The following FRMD5 variants were observed in gnomAD, a reference collection of about 807,000 sequenced individuals.
FRMD5 encodes FERM domain containing 5.
In FRMD5, 20 loss-of-function variants were observed where a neutral mutation model predicts 69.0. That is an observed-to-expected ratio of 0.29 (90% CI 0.20 to 0.42). The LOEUF (loss-of-function observed/expected upper bound fraction) is 0.42. Ranked by LOEUF, FRMD5 falls within the 10% of genes least tolerant of loss-of-function variation. FRMD5 has a pLI of 1.00. For synonymous variants in FRMD5, 271 were observed against 260.1 expected (o/e 1.04, Z -0.40); for missense variants, 595 against 708.6 (o/e 0.84, Z 1.82).
chr15:43,928,222 G>A (rs1344724338), intron 1 of FRMD5, among the ~76,000 whole-genome samples: 1 of 152,160 alleles, frequency 6.6e-6, no homozygotes, highest in Non-Finnish European at 1.5e-5. Flanking sequence ...AGTGTTAGAT[G>A]CATTGTTTTG....
At chr15:44,038,913 G>A (rs1455982423) in intron 1 of FRMD5, among the ~76,000 whole-genome samples, 2 of 152,172 alleles carry the variant, frequency 1.3e-5, no homozygotes, top group Admixed American at 1.3e-4. Flanking sequence ...CCCCCATAGA[G>A]CCGAGCAAGC....
At chr15:44,051,187 T>C (rs541817397) in intron 1 of FRMD5, among the ~76,000 whole-genome samples, 7 of 135,590 alleles carry the variant, frequency 5.2e-5, no homozygotes, top group African/African-American at 1.9e-4. Context: ...AGTCTTGCTC[T>C]GTCACCCAGG....
intron 7 of FRMD5, among the ~76,000 whole-genome samples, chr15:43,893,250 T>G (rs990494354): frequency 6.6e-5 from 10 of 152,092 alleles, no homozygotes; most frequent in African/African-American, 2.4e-4. Flanking sequence ...TCAGGAAAGT[T>G]TAGCTGAAGA....
chr15:43,918,784 T>C (rs78546048), intron 4 of FRMD5, among the ~76,000 whole-genome samples: 33 of 152,350 alleles, frequency 2.2e-4, no homozygotes, highest in African/African-American at 7.9e-4. Context: ...AGGTGAGACT[T>C]TCACAGTAAA....
At chr15:44,144,055 T>C (rs1466601831) in intron 1 of FRMD5, among the ~76,000 whole-genome samples, 1 of 152,082 alleles carries the variant, frequency 6.6e-6, no homozygotes, top group Admixed American at 6.5e-5. Context: ...TGTATAACTA[T>C]GAAGTCCCTG....
intron 1 of FRMD5, among the ~76,000 whole-genome samples, chr15:43,951,997 T>A (rs989137844): frequency 1.0e-5 from 1 of 99,366 alleles, no homozygotes; most frequent in Non-Finnish European, 1.7e-5. Context: ...TGTGTGTGTG[T>A]GTCTGTGTGT....
chr15:44,119,132 T>C (rs2076911246), intron 1 of FRMD5, among the ~76,000 whole-genome samples: 1 of 152,022 alleles, frequency 6.6e-6, no homozygotes. Context: ...ATTTTTTTTA[T>C]TTTTTGTAGA....
intron 1 of FRMD5, among the ~76,000 whole-genome samples, chr15:44,042,317 A>G (rs1360686780): frequency 6.6e-6 from 1 of 152,246 alleles, no homozygotes; most frequent in African/African-American, 2.4e-5. Context: ...GTCCAGGACC[A>G]GATGGATTCA....
At chr15:44,036,814 G>A (rs1407000279) in intron 1 of FRMD5, among the ~76,000 whole-genome samples, 1 of 152,094 alleles carries the variant, frequency 6.6e-6, no homozygotes, top group Non-Finnish European at 1.5e-5. Context: ...AAGCAGTGCT[G>A]GTGAGCATCC....
At chr15:43,968,904 C>A (rs546901461) in intron 1 of FRMD5, among the ~76,000 whole-genome samples, 1 of 152,122 alleles carries the variant, frequency 6.6e-6, no homozygotes, top group East Asian at 1.9e-4. Context: ...TCTTTATTTT[C>A]ACAAAAATCC....
intron 1 of FRMD5, among the ~76,000 whole-genome samples, chr15:44,171,370 A>G (rs2077800270): frequency 6.6e-6 from 1 of 152,168 alleles, no homozygotes; most frequent in Non-Finnish European, 1.5e-5. Context: ...AAACTGCCCA[A>G]TTTGCTAGTT....
intron 1 of FRMD5, among the ~76,000 whole-genome samples, chr15:44,189,563 A>T (rs995827458): frequency 2.6e-4 from 38 of 149,014 alleles, no homozygotes; most frequent in African/African-American, 9.5e-4. Flanking sequence ...ATCTCGGCTC[A>T]CTGCAAGCTC....
chr15:44,069,044 G>A (rs1025667500), intron 1 of FRMD5, among the ~76,000 whole-genome samples: 1 of 152,122 alleles, frequency 6.6e-6, no homozygotes, highest in Non-Finnish European at 1.5e-5. Flanking sequence ...TTTCACCAAA[G>A]AGGATATACT....
chr15:44,006,216 T>C (rs1485602496), intron 1 of FRMD5, among the ~76,000 whole-genome samples: 2 of 152,212 alleles, frequency 1.3e-5, no homozygotes, highest in Non-Finnish European at 2.9e-5. Context: ...GTGCCTGTGC[T>C]CTATAAATGA....
chr15:43,964,325 G>T (rs758536294), intron 1 of FRMD5, among the ~76,000 whole-genome samples: 1 of 151,544 alleles, frequency 6.6e-6, no homozygotes, highest in South Asian at 2.1e-4. Context: ...CTATTTTCCT[G>T]AACTTTTTTT....
In FRMD5 at chr15:44,054,611, G is replaced by A. The variant is rs552250177; in HGVS notation, c.103-130302C>T. The stretch of plus-strand genomic sequence containing the variant: ...GCTATAATAATTCTATAGAATTATA[G>A]CTAATTCTATTCTTTGGAGAATATA... On this transcript the variant is annotated intron_variant, in intron 1 of 13. Coordinates refer to ENST00000417257, the MANE Select transcript of FRMD5 (RefSeq NM_032892.5). 1.1e-3 allele frequency among the ~76,000 whole-genome samples: 174 copies of A among 152,218 alleles called. 2 individuals carry two copies. The highest frequency in any genetic ancestry group is 0.01 in the Middle Eastern group (3 of 294).
At chr15:43,960,045 G>T (rs2090172103) in intron 1 of FRMD5, among the ~76,000 whole-genome samples, 1 of 152,058 alleles carries the variant, frequency 6.6e-6, no homozygotes, top group African/African-American at 2.4e-5. Context: ...AGCCTCCCAA[G>T]TAGCTGGGAT....
At chr15:44,171,072 C>A (rs2077794303) in intron 1 of FRMD5, among the ~76,000 whole-genome samples, 1 of 151,956 alleles carries the variant, frequency 6.6e-6, no homozygotes, top group African/African-American at 2.4e-5. Flanking sequence ...AGCTTGGTGA[C>A]AAGATATATG....
intron 1 of FRMD5, among the ~76,000 whole-genome samples, chr15:44,130,845 T>C (rs1375835340): frequency 3.9e-5 from 6 of 152,160 alleles, no homozygotes; most frequent in Non-Finnish European, 7.4e-5. Flanking sequence ...CATAAACTAG[T>C]TGGTGTTTAC....
Sources: gnomAD v4.1 joint callset for allele counts (sites outside exome capture counted in the v4.1 genomes callset) on GRCh38, gnomAD v4.1.1 for gene constraint, MANE v1.5 for transcripts, NCBI Gene and HGNC (gene_info 2026-07-23, HGNC 2026-07-21) for gene names.